PVT1: variants seen among roughly 807,000 people sequenced by gnomAD.
The protein encoded by PVT1 is Pvt1 oncogene, also known as CXCR4/PVT1 fusion.
intron 4 of PVT1, among the ~76,000 whole-genome samples, chr8:128,034,198 T>G (rs2130076079): frequency 6.7e-6 from 1 of 149,778 alleles, no homozygotes; most frequent in East Asian, 2.1e-4. Flanking sequence ...CCTCCTCTTC[T>G]TCCTCTTTCC....
At chr8:127,819,433 A>G (rs138591821) in intron 2 of PVT1, among the ~76,000 whole-genome samples, 14 of 152,348 alleles carry the variant, frequency 9.2e-5, no homozygotes, top group Non-Finnish European at 1.5e-4. Context: ...TGGTTGATCC[A>G]TAGTAATTTC....
chr8:128,091,802 C>G (rs898186620), intron 5 of PVT1, among the ~76,000 whole-genome samples: 2 of 152,142 alleles, frequency 1.3e-5, no homozygotes, highest in African/African-American at 2.4e-5. Flanking sequence ...AGCCCAGTGC[C>G]TGGCACATCA....
chr8:128,082,567 C>T (rs938595776), intron 5 of PVT1, among the ~76,000 whole-genome samples: 12 of 152,196 alleles, frequency 7.9e-5, no homozygotes, highest in African/African-American at 2.2e-4. Context: ...GCAGGAGGCA[C>T]CAAGTCTCAG....
intron 4 of PVT1, among the ~76,000 whole-genome samples, chr8:128,006,682 A>G (rs562170923): frequency 3.9e-5 from 6 of 152,338 alleles, no homozygotes; most frequent in East Asian, 1.9e-4. Flanking sequence ...ACATTTGTCA[A>G]TTAAAATGTT....
chr8:127,966,720 A>G (rs1816706548), intron 3 of PVT1, among the ~76,000 whole-genome samples: 1 of 152,222 alleles, frequency 6.6e-6, no homozygotes, highest in Non-Finnish European at 1.5e-5. Flanking sequence ...CTATGTAGCC[A>G]GTGGCCACCC....
chr8:127,869,321 G>T (rs1815326028), intron 2 of PVT1, among the ~76,000 whole-genome samples: 1 of 151,960 alleles, frequency 6.6e-6, no homozygotes, highest in South Asian at 2.1e-4. Flanking sequence ...AGTAGAGATG[G>T]AGTTTCATCA....
intron 4 of PVT1, chr8:128,048,628 G>T (rs1423984167): frequency 6.6e-6 from 1 of 152,286 alleles, no homozygotes; most frequent in Non-Finnish European, 1.5e-5. Flanking sequence ...GACCTGCTGG[G>T]GTTTGGGTCC....
chr8:127,989,452 G>A (rs774672473), intron 4 of PVT1, among the ~76,000 whole-genome samples: 3 of 151,976 alleles, frequency 2.0e-5, no homozygotes, highest in African/African-American at 7.3e-5. Flanking sequence ...ACCTCTCCCC[G>A]ACCTGGTTCT....
Position 127,937,580 on chromosome 8 carries a change from C to CAGAGAGAG in PVT1, n.782+46604_782+46611dup, listed in dbSNP as rs1554598547. Among the ~76,000 whole-genome samples, 319 of 107,844 alleles carry CAGAGAGAG rather than the reference C, an allele frequency of 3.0e-3. 4 individuals are homozygous for CAGAGAGAG. The highest frequency in any genetic ancestry group is 0.01 in the African/African-American group (273 of 26,992). The allele number at this position is 107,844 out of a possible 152,430, so 70.7% of individuals were successfully genotyped here. On this transcript the variant is annotated intron_variant and non_coding_transcript_variant, in intron 3 of 10. Coordinates refer to ENST00000651587, the Ensembl canonical transcript of PVT1. ...ACACACACACACACACACACACACA[C>CAGAGAGAG]AGAGAGAGAGAGAGAGAGAGAGAGA...
At chr8:127,876,760 C>G (rs1815410175) in intron 2 of PVT1, among the ~76,000 whole-genome samples, 1 of 152,218 alleles carries the variant, frequency 6.6e-6, no homozygotes, top group African/African-American at 2.4e-5. Context: ...CTCCGTGGCG[C>G]TTGGGTGACA....
intron 3 of PVT1, among the ~76,000 whole-genome samples, chr8:127,979,830 G>T (rs926967930): frequency 6.8e-6 from 1 of 147,940 alleles, no homozygotes; most frequent in Non-Finnish European, 1.5e-5. Context: ...TTTAGTAACT[G>T]CTTTAGAAGA....
intron 2 of PVT1, among the ~76,000 whole-genome samples, chr8:127,842,652 G>A (rs1047127418): frequency 6.6e-6 from 1 of 152,130 alleles, no homozygotes; most frequent in Non-Finnish European, 1.5e-5. Context: ...CAGCCGTCTT[G>A]GAGGGTCATC....
chr8:127,810,321 C>G (rs1814579524), intron 2 of PVT1, among the ~76,000 whole-genome samples: 1 of 152,260 alleles, frequency 6.6e-6, no homozygotes, highest in Non-Finnish European at 1.5e-5. Context: ...AGCCAAGGAG[C>G]ATCCTGCACC....
At chr8:128,015,858 T>C (rs1817367472) in intron 4 of PVT1, among the ~76,000 whole-genome samples, 1 of 151,518 alleles carries the variant, frequency 6.6e-6, no homozygotes, top group African/African-American at 2.4e-5. Flanking sequence ...GACCCAGGTC[T>C]CTTCCATGTT....
chr8:128,068,509 T>C (rs1813939866), intron 4 of PVT1, among the ~76,000 whole-genome samples: 1 of 152,186 alleles, frequency 6.6e-6, no homozygotes, highest in Admixed American at 6.5e-5. Context: ...TTTGTTGTTG[T>C]TTGTTTGAGA....
At chr8:128,038,791 A>G (rs1481886839) in intron 4 of PVT1, among the ~76,000 whole-genome samples, 1 of 152,102 alleles carries the variant, frequency 6.6e-6, no homozygotes, top group Non-Finnish European at 1.5e-5. Flanking sequence ...CAGTAAGAGG[A>G]GGCCTTATAG....
chr8:128,083,073 A>T (rs1439081040), intron 5 of PVT1, among the ~76,000 whole-genome samples: 2 of 152,198 alleles, frequency 1.3e-5, no homozygotes, highest in African/African-American at 4.8e-5. Context: ...CCAGAGCAAG[A>T]GTTCCTGGGT....
At chr8:128,077,640 C>T (rs2542403) in intron 5 of PVT1, among the ~76,000 whole-genome samples, 1 of 151,926 alleles carries the variant, frequency 6.6e-6, no homozygotes, top group Non-Finnish European at 1.5e-5. Context: ...ATGATAAATT[C>T]GTTTTTTAAA....
At position 127,930,164 on chromosome 8, in the gene PVT1, TA is replaced by T. The variant is rs1405704442; in HGVS notation, n.782+39167del. On this transcript the variant is annotated intron_variant and non_coding_transcript_variant, in intron 3 of 10. Coordinates refer to ENST00000651587, the Ensembl canonical transcript of PVT1. The stretch of plus-strand genomic sequence containing the variant: ...TGGTGGGGCGGTGCGGAATTATTAT[TA>T]TTTTTTTTTGGGACAGAGTCTCACT... Among the ~76,000 whole-genome samples, 20 of 152,060 alleles carry T rather than the reference TA, an allele frequency of 1.3e-4. No homozygotes were observed. The East Asian group carries it at 3.3e-3, about 25-fold the overall frequency.
Sources: gnomAD v4.1 joint callset for allele counts (sites outside exome capture counted in the v4.1 genomes callset) on GRCh38, gnomAD v4.1.1 for gene constraint, MANE v1.5 for transcripts, NCBI Gene and HGNC (gene_info 2026-07-23, HGNC 2026-07-21) for gene names.